The following CMTR1 variants were observed in gnomAD, a reference collection of about 807,000 sequenced individuals.
The protein encoded by CMTR1 is cap methyltransferase 1, also known as cap-specific mRNA (nucleoside-2'-O-)-methyltransferase 1.
CMTR1 carries 39 observed loss-of-function variants against 107.0 expected under a neutral mutation model. The ratio of observed to expected loss-of-function variants is 0.36; its 90% confidence interval spans 0.28 to 0.48. The LOEUF is 0.48. Ranked by LOEUF, CMTR1 falls within the 20% of genes least tolerant of loss-of-function variation. The pLI is 0.99. For missense variants in CMTR1, 672 were observed against 1,064.9 expected, an observed-to-expected ratio of 0.63 and a Z score of 5.14; for synonymous variants, 366 against 379.5, an observed-to-expected ratio of 0.96 and a Z score of 0.41.
At chr6:37,430,237 A>G (rs141759544), upstream of CMTR1, among the ~76,000 whole-genome samples, 5 of 152,296 alleles carry the variant, frequency 3.3e-5, no homozygotes, top group African/African-American at 9.6e-5. Flanking sequence ...TTTATACTTT[A>G]CCATTTACTT....
intron 21 of CMTR1, among the ~76,000 whole-genome samples, chr6:37,478,150 C>T (rs1176169224): frequency 2.0e-5 from 3 of 152,142 alleles, no homozygotes; most frequent in African/African-American, 7.2e-5. Flanking sequence ...CTCACCCTTA[C>T]TGGTGTCACC....
intron 10 of CMTR1, among the ~76,000 whole-genome samples, chr6:37,460,698 T>C (rs1273307522): frequency 6.6e-6 from 1 of 152,178 alleles, no homozygotes; most frequent in African/African-American, 2.4e-5. Flanking sequence ...GCGTCCTTTT[T>C]TCTTTATTTT....
chr6:37,470,993 G>A (rs1391238452), intron 13 of CMTR1, 28 bp from the exon 14 acceptor site: 1 of 1,580,602 alleles, frequency 6.3e-7, no homozygotes, highest in Non-Finnish European at 8.6e-7. Context: ...TGGTAATCCT[G>A]AGATCAAATA....
In CMTR1 at chr6:37,444,055, T is replaced by C; in HGVS notation, c.190T>C (p.Ser64Pro). Reference protein sequence around the residue: ...DSETEGKQHSSDSFDDAFKAD... With the variant: ...DSETEGKQHSPDSFDDAFKAD... The stretch of plus-strand genomic sequence containing the variant: ...TGAGACCGAGGGGAAACAACACAGC[T>C]CTGACTCTTTTGACGATGCATTCAA... The change falls in exon 3 of 24, where the codon TCT becomes CCT. Residue 64 changes from serine to proline, a missense_variant. Transcript: ENST00000373451. 6.2e-7 allele frequency: 1 copy of C among 1,614,152 alleles called. No individual in the cohort carries two copies. Among genetic ancestry groups the C allele is most frequent in the Non-Finnish European group, 8.5e-7 (1 of 1,180,016 alleles).
rs1581752003 is a variant in CMTR1 at position 37,472,566 on chromosome 6, T to C, written c.1689+79T>C. On this transcript the variant is annotated intron_variant, in intron 16 of 23. Transcript: ENST00000373451. The surrounding 1 kb of genome is among the most constrained non-coding windows in gnomAD (Gnocchi z 4.1). The stretch of plus-strand genomic sequence containing the variant: ...TGGATGGTATCACTGAGGCCCCAGA[T>C]GCATGGTCTCCAGAGGGCTTGTGCA... 1.4e-6 allele frequency: 2 copies of C among 1,394,192 alleles called. No homozygotes were observed. Among genetic ancestry groups the C allele is most frequent in the East Asian group, 2.3e-5 (1 of 43,802 alleles). 86.4% of individuals were successfully genotyped at this position (1,394,192 alleles called of 1,614,324 possible).
chr6:37,462,963 A>G lies in CMTR1; in HGVS notation c.1460A>G (p.Lys487Arg). ...TTGGTGGTCCCCCTGGAGGTGATCA[A>G]GGGAGACCATGAATTTACTGACTAC... is the stretch of plus-strand genomic sequence containing the variant. ...VNLVVPLEVI[K>R]GDHEFTDYMI... The change falls in exon 13 of 24, where the codon AAG (lysine) becomes AGG (arginine). Residue 487 changes from lysine (K) to arginine (R), a missense_variant. By Grantham distance (26) the Lys-to-Arg change is conservative. Transcript: ENST00000373451. 3.7e-6 allele frequency: 6 copies of G among 1,614,206 alleles called. No individual in the cohort carries two copies. Among genetic ancestry groups the G allele is most frequent in the South Asian group, 1.1e-5 (1 of 91,086 alleles).
intron 14 of CMTR1, 67 bp downstream of exon 14, chr6:37,471,144 G>T: frequency 7.1e-7 from 1 of 1,415,026 alleles, no homozygotes. Context: ...CTCCCCACAA[G>T]CTGTTTGTTT....
At position 37,481,069 on chromosome 6, in the gene CMTR1, T is replaced by C. The variant is rs558019698; in HGVS notation, c.*924T>C. On this transcript the variant is annotated 3_prime_UTR_variant, in exon 24 of 24. Transcript: ENST00000373451. ...CTAGGGTCTTGGCAGAATTCTGAGC[T>C]TGAAGTGCAGCTCCCTTACTACCCT... The C allele has an allele frequency of 7.7e-7, 1 of 1,304,314 alleles. No homozygotes were observed. Among genetic ancestry groups the C allele is most frequent in the African/African-American group, 1.5e-5 (1 of 65,984 alleles). The allele number at this position is 1,304,314 out of a possible 1,614,324, so 80.8% of individuals were successfully genotyped here.
At chr6:37,446,170 C>T (rs1283834444) in intron 3 of CMTR1, 121 bp from the exon 4 acceptor site, 10 of 1,110,848 alleles carry the variant, frequency 9.0e-6, no homozygotes, top group Non-Finnish European at 1.3e-5. Flanking sequence ...TAGGCTAAGA[C>T]AAACTTTAGA....
intron 2 of CMTR1, among the ~76,000 whole-genome samples, chr6:37,437,820 AGAG>A (rs1251022159): frequency 1.3e-5 from 2 of 152,178 alleles, no homozygotes; most frequent in Non-Finnish European, 2.9e-5. Flanking sequence ...TAAGGGAAAA[AGAG>A]AGAGTATGTC....
chr6:37,431,858 C>T (rs1474980935), upstream of CMTR1, among the ~76,000 whole-genome samples: 1 of 152,188 alleles, frequency 6.6e-6, no homozygotes, highest in African/African-American at 2.4e-5. Context: ...CTCTGTCGCC[C>T]AGGCTGGAGT....
At chr6:37,470,598 G>A (rs1451474510) in intron 13 of CMTR1, among the ~76,000 whole-genome samples, 2 of 152,092 alleles carry the variant, frequency 1.3e-5, no homozygotes, top group South Asian at 2.1e-4. Context: ...TTGCTTCATC[G>A]TATGCCTCAT....
the CMTR1 span, among the ~76,000 whole-genome samples, chr6:37,428,042 GA>G: frequency 1.4e-5 from 2 of 146,634 alleles, no homozygotes; most frequent in African/African-American, 2.6e-5. Flanking sequence ...GAGAGAGAGA[GA>G]GAGAGAGAGA....
chr6:37,455,012 G>C (rs752269651), intron 8 of CMTR1, among the ~76,000 whole-genome samples: 3 of 152,086 alleles, frequency 2.0e-5, no homozygotes, highest in Non-Finnish European at 4.4e-5. Flanking sequence ...TATAGACTAA[G>C]AGCAGGAGAA....
rs1165044407 is a variant in CMTR1 at position 37,461,823 on chromosome 6, G to T, written c.1193-147G>T. 4.2e-6 allele frequency: 4 copies of T among 959,918 alleles called. No homozygotes were observed. In the African/African-American group the frequency reaches 6.5e-5, roughly 16 times the overall value. The allele number at this position is 959,918 out of a possible 1,614,324, so 59.5% of individuals were successfully genotyped here. A position where few individuals can be genotyped will look rare whatever the true frequency, so the allele number is the denominator to read the frequency against. On this transcript the variant is annotated intron_variant, in intron 11 of 23. Transcript: ENST00000373451. ...TGGAATCCTCAAAGTCCCCTCCAAA[G>T]ATGGTTCTCCCCCTTAAATTGTCTC... is the stretch of plus-strand genomic sequence containing the variant.
At chr6:37,461,029 G>T (rs1051538618) in intron 10 of CMTR1, among the ~76,000 whole-genome samples, 6 of 152,286 alleles carry the variant, frequency 3.9e-5, no homozygotes, top group South Asian at 2.1e-4. Context: ...GACAGGAAAG[G>T]GGGTATTGTA....
At chr6:37,470,882 G>C in intron 13 of CMTR1, 139 bp from the exon 14 acceptor site, 1 of 589,764 alleles carries the variant, frequency 1.7e-6, no homozygotes, top group Non-Finnish European at 2.9e-6. Flanking sequence ...GTGGGGTAGG[G>C]GTGTGGGTTT....
At chr6:37,462,436 C>T (rs996380109) in intron 12 of CMTR1, among the ~76,000 whole-genome samples, 2 of 152,202 alleles carry the variant, frequency 1.3e-5, no homozygotes, top group African/African-American at 4.8e-5. Flanking sequence ...ACTGGGGTCC[C>T]AGTGTGACAC....
intron 20 of CMTR1, 60 bp from the exon 21 acceptor site, chr6:37,477,532 C>A: frequency 6.7e-7 from 1 of 1,497,730 alleles, no homozygotes; most frequent in Non-Finnish European, 9.3e-7. Context: ...TCCCAGCTGC[C>A]TCCTGGATGA....
Sources: allele counts gnomAD v4.1 joint callset (sites outside exome capture counted in the v4.1 genomes callset), GRCh38; gene constraint gnomAD v4.1.1; non-coding constraint Gnocchi (gnomAD v3.1); transcripts MANE v1.5; gene names NCBI Gene and HGNC (gene_info 2026-07-23, HGNC 2026-07-21).